Variants in TRIM13 observed in about 807,000 individuals in gnomAD.
TRIM13 encodes the protein tripartite motif containing 13.
TRIM13 carries 15 observed loss-of-function variants against 27.1 expected under a neutral mutation model. The ratio of observed to expected loss-of-function variants is 0.55; its 90% confidence interval spans 0.37 to 0.85. The LOEUF (loss-of-function observed/expected upper bound fraction) is 0.85. TRIM13 is among the 40% of genes least tolerant of loss of function. The pLI, the probability that TRIM13 is intolerant of heterozygous loss-of-function variation, is 0.00. For missense variants in TRIM13, 402 were observed against 472.2 expected (o/e 0.85, Z 1.38); for synonymous variants, 193 against 171.5 (o/e 1.13, Z -0.98).
intron 1 of TRIM13, among the ~76,000 whole-genome samples, chr13:50,008,344 T>C (rs985649001): frequency 1.6e-4 from 25 of 152,222 alleles, no homozygotes; most frequent in Admixed American, 2.6e-4. Context: ...TCTTTGGTTT[T>C]ACAACTATAG....
At chr13:49,999,047 G>C (rs1873656346) in intron 1 of TRIM13, among the ~76,000 whole-genome samples, 1 of 152,008 alleles carries the variant, frequency 6.6e-6, no homozygotes, top group African/African-American at 2.4e-5. Context: ...TGCTGTATCT[G>C]GAAGCCAGGT....
At position 50,016,125 on chromosome 13, in the gene TRIM13, T is replaced by C. The variant is rs542701796; in HGVS notation, c.*2961T>C. On this transcript the variant is annotated 3_prime_UTR_variant, in exon 2 of 2. Coordinates refer to ENST00000378182, the MANE Select transcript of TRIM13 (RefSeq NM_213590.3). Reference sequence around the variant, plus strand: ...GTATACCAGTTTGTGATGTTTTCTCTAAAAACTTGAAGTTCCTCAGGCCTG... The same window carrying C: ...GTATACCAGTTTGTGATGTTTTCTCCAAAAACTTGAAGTTCCTCAGGCCTG... 1.0e-4 allele frequency: 136 copies of C among 1,364,938 alleles called. No individual in the cohort carries two copies. In the African/African-American group the frequency reaches 1.9e-3, roughly 19 times the overall value. The allele number at this position is 1,364,938 out of a possible 1,614,324, so 84.6% of individuals were successfully genotyped here. A position where few individuals can be genotyped will look rare whatever the true frequency, so the allele number is the denominator to read the frequency against.
rs1445665214 is a variant in TRIM13 at position 50,016,080 on chromosome 13, T to C, written c.*2916T>C. 1 of 1,600,938 alleles carries C rather than the reference T, an allele frequency of 6.2e-7. No individual in the cohort carries two copies. The highest frequency in any genetic ancestry group is 8.6e-7 in the Non-Finnish European group (1 of 1,168,654). Reference sequence around the variant, plus strand: ...AACCAAACTGGAGTCAGGTATTTTGTACTTTGCAGTATTTCTCTTGTATAC... The same window carrying C: ...AACCAAACTGGAGTCAGGTATTTTGCACTTTGCAGTATTTCTCTTGTATAC... On this transcript the variant is annotated 3_prime_UTR_variant, in exon 2 of 2. Transcript: ENST00000378182.
At chr13:49,998,828 G>C (rs1235874636) in intron 1 of TRIM13, among the ~76,000 whole-genome samples, 2 of 151,698 alleles carry the variant, frequency 1.3e-5, no homozygotes, top group African/African-American at 2.4e-5. Flanking sequence ...CTACTCGGGA[G>C]GCTGAGGCAG....
rs1594593317 is a variant in TRIM13 at position 50,015,544 on chromosome 13, G to A, written c.*2380G>A. On this transcript the variant is annotated 3_prime_UTR_variant, in exon 2 of 2. Transcript: ENST00000378182. ...TGAATGTGGGAGGGAAGATATTCAC[G>A]ACAAGGTTTTCTACGATAAAGCAGT... 1.2e-6 allele frequency: 2 copies of A among 1,613,988 alleles called. No individual in the cohort carries two copies. Among genetic ancestry groups the A allele is most frequent in the Non-Finnish European group, 1.7e-6 (2 of 1,179,954 alleles).
intron 1 of TRIM13, among the ~76,000 whole-genome samples, chr13:50,003,623 TC>T (rs1179333252): frequency 6.6e-6 from 1 of 152,234 alleles, no homozygotes; most frequent in Non-Finnish European, 1.5e-5. Flanking sequence ...TATTGGCTTT[TC>T]CATTTTTATT....
At position 50,015,276 on chromosome 13, in the gene TRIM13, C is replaced by T. The variant is rs577745099; in HGVS notation, c.*2112C>T. ...TTTAGTTCCTCATCTGTTGCTTTTT[C>T]ATTTTGTATACTGCAAGTTCCCAGG... is the stretch of plus-strand genomic sequence containing the variant. On this transcript the variant is annotated 3_prime_UTR_variant, in exon 2 of 2. Transcript: ENST00000378182. The T allele has an allele frequency of 6.9e-6, 3 of 437,124 alleles. No individual in the cohort carries two copies. The highest frequency in any genetic ancestry group is 4.1e-5 in the African/African-American group (2 of 48,908). 27.1% of individuals were successfully genotyped at this position (437,124 alleles called of 1,614,324 possible).
chr13:50,010,860 C>T (rs1381389511), intron 1 of TRIM13, among the ~76,000 whole-genome samples: 2 of 152,172 alleles, frequency 1.3e-5, no homozygotes, highest in Non-Finnish European at 2.9e-5. Context: ...AAAAAAGCAG[C>T]TGGTTTAACT....
chr13:50,005,055 A>G (rs1874510328), intron 1 of TRIM13, among the ~76,000 whole-genome samples: 1 of 151,992 alleles, frequency 6.6e-6, no homozygotes. Flanking sequence ...CAGCCTGGGT[A>G]ACAAGAGCGA....
chr13:50,013,117 G>C lies in TRIM13; in HGVS notation c.1177G>C (p.Val393Leu). ...NERFKNFTLV[V>L]LNNVAEFVCK... ...AAGATTCAAGAATTTTACTTTGGTG[G>C]TACTGAACAATGTGGCAGAATTTGT... Residue 393 changes from valine (V) to leucine (L), a missense_variant, in exon 2 of 2, where the codon GTA becomes CTA. Physicochemically the swap from Val to Leu is conservative, Grantham distance 32 (BLOSUM62 1). This residue lies in a region of TRIM13 where 200 missense variants were observed against 194.7 expected (regional missense o/e 1.03). Coordinates refer to ENST00000378182, the MANE Select transcript of TRIM13 (RefSeq NM_213590.3). The C allele has an allele frequency of 6.2e-7, 1 of 1,606,458 alleles. No homozygotes were observed. The highest frequency in any genetic ancestry group is 8.5e-7 in the Non-Finnish European group (1 of 1,177,062).
intron 1 of TRIM13, among the ~76,000 whole-genome samples, chr13:49,998,338 G>C (rs900879540): frequency 2.6e-5 from 4 of 152,036 alleles, no homozygotes; most frequent in African/African-American, 4.8e-5. Context: ...TTTATGATAG[G>C]TTATCTGGCC....
In TRIM13 at chr13:50,014,994, G is replaced by A. The variant is rs1876189876; in HGVS notation, c.*1830G>A. The A allele has an allele frequency of 6.2e-6, 1 of 161,390 alleles. No individual in the cohort carries two copies. Among genetic ancestry groups the A allele is most frequent in the African/African-American group, 2.5e-5 (1 of 39,378 alleles). The allele number at this position is 161,390 out of a possible 1,614,324, so 10.0% of individuals were successfully genotyped here. A position where few individuals can be genotyped will look rare whatever the true frequency, so the allele number is the denominator to read the frequency against. The stretch of plus-strand genomic sequence containing the variant: ...CACTAAATTTCTAAGGAGATCATAA[G>A]AAATTAAGAAAAACGTTTAAGTCTA... On this transcript the variant is annotated 3_prime_UTR_variant, in exon 2 of 2. Coordinates refer to ENST00000378182, the MANE Select transcript of TRIM13 (RefSeq NM_213590.3).
intron 1 of TRIM13, among the ~76,000 whole-genome samples, chr13:50,010,356 A>G (rs777619194): frequency 1.4e-4 from 22 of 152,138 alleles, no homozygotes; most frequent in Admixed American, 6.5e-5. Flanking sequence ...TCCCAGCCTG[A>G]ATCTTCTTGT....
rs147371322 is a variant in TRIM13, at chr13:50,017,450, G to T, written c.*4286G>T. 9.6e-5 allele frequency: 16 copies of T among 167,046 alleles called. No individual in the cohort carries two copies. The East Asian group carries it at 2.9e-3, about 30-fold the overall frequency. 10.3% of individuals were successfully genotyped at this position (167,046 alleles called of 1,614,324 possible). On this transcript the variant is annotated 3_prime_UTR_variant, in exon 2 of 2. Coordinates refer to ENST00000378182, the MANE Select transcript of TRIM13 (RefSeq NM_213590.3). Reference sequence around the variant, plus strand: ...TTCCTGTGTGTACACAGTGCCAAATGGTTTTCCCTTTTTATGTTGTGTTTT... The same window carrying T: ...TTCCTGTGTGTACACAGTGCCAAATTGTTTTCCCTTTTTATGTTGTGTTTT...
rs1370971245 is a variant in TRIM13 at position 50,017,304 on chromosome 13, G to A, written c.*4140G>A. On this transcript the variant is annotated 3_prime_UTR_variant, in exon 2 of 2. Transcript: ENST00000378182. ...AGACAAAACTGTCATTGATTTTTAA[G>A]AAGAAACACACTAGGTCAAAAGAAG... 6.0e-6 allele frequency: 1 copy of A among 166,990 alleles called. No homozygotes were observed. Among genetic ancestry groups the A allele is most frequent in the Non-Finnish European group, 1.5e-5 (1 of 68,068 alleles). The allele number at this position is 166,990 out of a possible 1,614,324, so 10.3% of individuals were successfully genotyped here.
intron 1 of TRIM13, among the ~76,000 whole-genome samples, chr13:50,006,724 T>C (rs1874761603): frequency 6.6e-6 from 1 of 152,160 alleles, no homozygotes; most frequent in African/African-American, 2.4e-5. Flanking sequence ...TCCAATGCTT[T>C]TCAGAGGTTA....
chr13:50,004,275 T>G (rs1048565924), intron 1 of TRIM13, among the ~76,000 whole-genome samples: 5 of 151,852 alleles, frequency 3.3e-5, no homozygotes, highest in African/African-American at 1.2e-4. Flanking sequence ...CTGGGCAACA[T>G]GCTGAAACAT....
At position 50,013,169 on chromosome 13, in the gene TRIM13, T is replaced by C; in HGVS notation, c.*5T>C. On this transcript the variant is annotated 3_prime_UTR_variant, in exon 2 of 2. Coordinates refer to ENST00000378182, the MANE Select transcript of TRIM13 (RefSeq NM_213590.3). ...TGCAAATATAAACTATTATAAAATC[T>C]GTTTCAAGTATGCAGTTTTCTTTTG... The C allele has an allele frequency of 1.3e-6, 2 of 1,539,334 alleles. No homozygotes were observed. Among genetic ancestry groups the C allele is most frequent in the Non-Finnish European group, 1.7e-6 (2 of 1,146,390 alleles).
At chr13:50,003,574 A>G (rs1459385459) in intron 1 of TRIM13, among the ~76,000 whole-genome samples, 1 of 152,198 alleles carries the variant, frequency 6.6e-6, no homozygotes, top group African/African-American at 2.4e-5. Context: ...AGTCCAATAC[A>G]TATATATAAA....
Sources: gnomAD v4.1 joint callset for allele counts (sites outside exome capture counted in the v4.1 genomes callset) on GRCh38, gnomAD v4.1.1 for gene constraint, gnomAD v4.1.1 regional missense constraint, MANE v1.5 for transcripts, NCBI Gene and HGNC (gene_info 2026-07-23, HGNC 2026-07-21) for gene names.